The following LYST variants were observed in gnomAD, a reference collection of about 807,000 sequenced individuals.
LYST encodes lysosomal-trafficking regulator.
In LYST, 192 loss-of-function variants were observed where a neutral mutation model predicts 413.6. The observed-to-expected ratio is 0.46, with a 90% CI of 0.41 to 0.52. LYST has a LOEUF of 0.52. Ranked by LOEUF, LYST falls within the 20% of genes least tolerant of loss-of-function variation. The pLI is 0.00. For synonymous variants in LYST, 1,525 were observed against 1,567.3 expected (o/e 0.97, Z 0.64); for missense variants, 3,815 against 4,499.9 (o/e 0.85, Z 4.35).
chr1:235,678,855 T>C (rs1048359861), intron 48 of LYST, among the ~76,000 whole-genome samples: 1 of 152,178 alleles, frequency 6.6e-6, no homozygotes, highest in African/African-American at 2.4e-5. Flanking sequence ...AAGTATTATA[T>C]TGTATTTCAT....
At position 235,720,763 on chromosome 1, in the gene LYST, G is replaced by C. The variant is rs751071469; in HGVS notation, c.9458C>G (p.Ala3153Gly). ...FEYLTHLNKH[A>G]GRSFNDLMQY... ...CATGAGATCATTGAAGGATCGGCCAGCATGTTTGTTTAAGTGAGTCAAATA... is the reference window on the plus strand; with the variant it reads ...CATGAGATCATTGAAGGATCGGCCACCATGTTTGTTTAAGTGAGTCAAATA... Residue 3153 changes from alanine (A) to glycine (G), a missense_variant, in exon 40 of 53, where the codon GCT (alanine) becomes GGT (glycine). Around this residue, in one of 4 missense-constraint regions of LYST, gnomAD observed 866 missense variants for 1,156.0 expected, o/e 0.75. Transcript: ENST00000389793. 1 of 1,614,110 alleles carries C rather than the reference G, an allele frequency of 6.2e-7. No individual in the cohort carries two copies. The highest frequency in any genetic ancestry group is 1.1e-5 in the South Asian group (1 of 91,074).
intron 49 of LYST, 53 bp from the exon 50 acceptor site, chr1:235,677,241 C>T: frequency 7.4e-7 from 1 of 1,358,124 alleles, no homozygotes; most frequent in Admixed American, 1.7e-5. Context: ...TAATTACATT[C>T]TCTTATTTTG....
At chr1:235,877,998 A>G (rs1305803112) in intron 1 of LYST, among the ~76,000 whole-genome samples, 1 of 152,190 alleles carries the variant, frequency 6.6e-6, no homozygotes, top group Non-Finnish European at 1.5e-5. Flanking sequence ...CTAACTGAGG[A>G]AGACAGTTGA....
intron 22 of LYST, among the ~76,000 whole-genome samples, chr1:235,760,832 G>A (rs1667507304): frequency 6.6e-6 from 1 of 152,204 alleles, no homozygotes; most frequent in Non-Finnish European, 1.5e-5. Context: ...TTGGGCTAGA[G>A]GGCTAAAGTT....
intron 38 of LYST, among the ~76,000 whole-genome samples, chr1:235,725,314 G>A (rs1225937674): frequency 6.6e-6 from 1 of 152,016 alleles, no homozygotes; most frequent in Non-Finnish European, 1.5e-5. Context: ...GGCACCTGTA[G>A]TTCCAGCTAC....
intron 1 of LYST, among the ~76,000 whole-genome samples, chr1:235,848,942 A>G (rs1318791194): frequency 6.6e-6 from 1 of 152,080 alleles, no homozygotes; most frequent in Non-Finnish European, 1.5e-5. Flanking sequence ...CCAGACATTT[A>G]AAGAATTGGT....
At chr1:235,780,724 G>T in intron 16 of LYST, 141 bp downstream of exon 16, 1 of 404,766 alleles carries the variant, frequency 2.5e-6, no homozygotes, top group Non-Finnish European at 4.3e-6. Flanking sequence ...ATTTTTTTCA[G>T]AAAAAAACAT....
chr1:235,863,703 A>T (rs994144085), intron 1 of LYST, among the ~76,000 whole-genome samples: 1 of 152,158 alleles, frequency 6.6e-6, no homozygotes, highest in African/African-American at 2.4e-5. Flanking sequence ...GAAGAAAATA[A>T]TCATGAAATC....
rs1341316013 is a variant in LYST at position 235,663,048 on chromosome 1, C to T, written c.11298G>A (p.Leu3766=). 1 of 1,612,352 alleles carries T rather than the reference C, an allele frequency of 6.2e-7. No homozygotes were observed. The highest frequency in any genetic ancestry group is 1.1e-5 in the South Asian group (1 of 91,050). ...CGGTCCCATCACTGTTTGCTGTGTA[C>T]AAATGGTGGCCATCACAAGAAAATG... ...SLTFSCDGHH[L]YTANSDGTVI... is the part of the protein sequence containing the mutation. The change falls in exon 53 of 53, where the codon TTG becomes TTA. Residue 3766 remains leucine (L), a synonymous_variant. Coordinates refer to ENST00000389793, the MANE Select transcript of LYST (RefSeq NM_000081.4).
Position 235,686,168 on chromosome 1 carries a change from A to T in LYST, c.10800+781T>A, listed in dbSNP as rs1283499290. ...GATCACTTGAAGCCAGGAGTTCGAG[A>T]CCAGCCTGGCCAACATGGCAAAACC... On this transcript the variant is annotated intron_variant, in intron 48 of 52. Transcript: ENST00000389793. The surrounding 1 kb of genome is among the most constrained non-coding windows in gnomAD (Gnocchi z 4.0). Among the ~76,000 whole-genome samples, 1 of 151,944 alleles carries T rather than the reference A, an allele frequency of 6.6e-6. No homozygotes were observed. The highest frequency in any genetic ancestry group is 1.5e-5 in the Non-Finnish European group (1 of 67,970).
At chr1:235,793,692 A>G in intron 10 of LYST, 80 bp from the exon 11 acceptor site, 1 of 768,868 alleles carries the variant, frequency 1.3e-6, no homozygotes, top group South Asian at 1.6e-5. Context: ...AAAAGAGGTA[A>G]AATACTATTG....
At chr1:235,856,026 A>G (rs1256867640) in intron 1 of LYST, among the ~76,000 whole-genome samples, 2 of 152,148 alleles carry the variant, frequency 1.3e-5, no homozygotes, top group Non-Finnish European at 2.9e-5. Flanking sequence ...AGGGGAGCAG[A>G]GCACAGAACA....
chr1:235,800,832 G>T, intron 9 of LYST, 39 bp downstream of exon 9: 2 of 1,380,796 alleles, frequency 1.4e-6, no homozygotes, highest in Non-Finnish European at 2.0e-6. Context: ...TGATGAGTCT[G>T]ATAAATATTG....
intron 44 of LYST, among the ~76,000 whole-genome samples, chr1:235,706,615 CA>C (rs1290516731): frequency 2.0e-5 from 3 of 152,040 alleles, no homozygotes; most frequent in African/African-American, 7.3e-5. Context: ...TGTTATTTTG[CA>C]GAGGCTCCAG....
At position 235,820,481 on chromosome 1, in the gene LYST, C is replaced by T. The variant is rs569932222; in HGVS notation, c.193-7420G>A. On this transcript the variant is annotated intron_variant, in intron 3 of 52. Coordinates refer to ENST00000389793, the MANE Select transcript of LYST (RefSeq NM_000081.4). ...ACTGCCCAGGCTCAGGCGATCCTCC[C>T]GCCCCAGCCTCCCAAGTAGCTGGGA... Among the ~76,000 whole-genome samples the T allele has an allele frequency of 6.4e-4, 97 of 151,974 alleles. No homozygotes were observed. In the Middle Eastern group the frequency reaches 0.01, roughly 16 times the overall value.
At position 235,696,956 on chromosome 1, in the gene LYST, C is replaced by T. The variant is rs542505499; in HGVS notation, c.10564+127G>A. On this transcript the variant is annotated intron_variant, in intron 46 of 52. Coordinates refer to ENST00000389793, the MANE Select transcript of LYST (RefSeq NM_000081.4). ...AGCATGTTTTCATTCCTACTTTGCACTAAATAACCACAAATTTGAGCTGAG... is the reference window on the plus strand; with the variant it reads ...AGCATGTTTTCATTCCTACTTTGCATTAAATAACCACAAATTTGAGCTGAG... 6.2e-5 allele frequency: 54 copies of T among 876,092 alleles called. No individual in the cohort carries two copies. The African/African-American group carries it at 8.0e-4, about 13-fold the overall frequency. The allele number at this position is 876,092 out of a possible 1,614,324, so 54.3% of individuals were successfully genotyped here. A position where few individuals can be genotyped will look rare whatever the true frequency, so the allele number is the denominator to read the frequency against.
chr1:235,715,427 G>A (rs1221531147), intron 41 of LYST, 70 bp from the exon 42 acceptor site: 2 of 1,441,528 alleles, frequency 1.4e-6, no homozygotes, highest in African/African-American at 2.8e-5. Context: ...AGTGCTGGAT[G>A]TTTTTTTTTC....
chr1:235,846,545 G>T (rs1319324230), intron 1 of LYST, among the ~76,000 whole-genome samples: 1 of 152,034 alleles, frequency 6.6e-6, no homozygotes, highest in East Asian at 1.9e-4. Context: ...ACCTGACAAA[G>T]AATTCAGGAG....
intron 1 of LYST, among the ~76,000 whole-genome samples, chr1:235,860,784 T>C (rs978694814): frequency 1.6e-4 from 25 of 152,176 alleles, no homozygotes; most frequent in African/African-American, 6.0e-4. Flanking sequence ...CAAATCAAGA[T>C]AGTAAACATA....
Sources: allele counts gnomAD v4.1 joint callset (sites outside exome capture counted in the v4.1 genomes callset), GRCh38; gene constraint gnomAD v4.1.1; regional missense constraint gnomAD v4.1.1; non-coding constraint Gnocchi (gnomAD v3.1); transcripts MANE v1.5; gene names NCBI Gene and HGNC (gene_info 2026-07-23, HGNC 2026-07-21).